MYCBP2: variants seen among roughly 807,000 people sequenced by gnomAD.
MYCBP2 encodes the protein E3 ubiquitin-protein ligase MYCBP2.
In MYCBP2, 120 loss-of-function variants were observed where a neutral mutation model predicts 525.3. That is an observed-to-expected ratio of 0.23 (90% CI 0.20 to 0.27). MYCBP2 has a LOEUF of 0.27. Ranked by LOEUF, MYCBP2 falls within the 10% of genes least tolerant of loss-of-function variation. The pLI is 1.00. For synonymous variants in MYCBP2, 1,894 were observed against 1,955.8 expected, an observed-to-expected ratio of 0.97 and a Z score of 0.83; for missense variants, 4,149 against 5,657.1, an observed-to-expected ratio of 0.73 and a Z score of 8.55.
Position 77,251,290 on chromosome 13 carries a change from C to A in MYCBP2, c.2242G>T (p.Asp748Tyr), listed in dbSNP as rs1166090812. 6.2e-7 allele frequency: 1 copy of A among 1,614,210 alleles called. No homozygotes were observed. ...EDLEEELDEK[D>Y]EKSMMCPPGM... ...GGAGGGCACATCATAGACTTCTCAT[C>A]TTTTTCATCTAGTTCTTCTTCCAGG... Residue 748 changes from aspartate to tyrosine, a missense_variant, in exon 15 of 83, where the codon GAT becomes TAT. Around this residue, in one of 21 missense-constraint regions of MYCBP2, gnomAD observed 620 missense variants for 795.5 expected, o/e 0.78. Transcript: ENST00000544440.
chr13:77,243,599 C>A (rs2069278440), intron 16 of MYCBP2, among the ~76,000 whole-genome samples: 3 of 144,276 alleles, frequency 2.1e-5, no homozygotes, highest in South Asian at 2.3e-4. Context: ...GGCAACAGAG[C>A]AAGACTCCAT....
intron 1 of MYCBP2, among the ~76,000 whole-genome samples, chr13:77,319,449 T>C (rs1331554988): frequency 1.3e-5 from 2 of 152,226 alleles, no homozygotes; most frequent in Non-Finnish European, 2.9e-5. Flanking sequence ...CTTGGTGCTC[T>C]GCTACCCTTA....
intron 26 of MYCBP2, among the ~76,000 whole-genome samples, chr13:77,201,033 C>A (rs546926137): frequency 2.0e-5 from 3 of 151,952 alleles, no homozygotes; most frequent in Non-Finnish European, 4.4e-5. Context: ...ACCAAATTCA[C>A]ACATAACAAT....
chr13:77,125,766 A>T (rs114573489), intron 53 of MYCBP2, among the ~76,000 whole-genome samples: 2 of 152,176 alleles, frequency 1.3e-5, no homozygotes, highest in African/African-American at 4.8e-5. Context: ...TTTTTTCTGC[A>T]TCTAAAATGT....
At chr13:77,258,162 T>C (rs2072576669) in intron 13 of MYCBP2, among the ~76,000 whole-genome samples, 1 of 152,190 alleles carries the variant, frequency 6.6e-6, no homozygotes, top group African/African-American at 2.4e-5. Flanking sequence ...AAGGAGTCCA[T>C]AAATAATTTA....
intron 17 of MYCBP2, among the ~76,000 whole-genome samples, chr13:77,239,535 G>T (rs1034400502): frequency 2.2e-4 from 34 of 152,192 alleles, no homozygotes; most frequent in African/African-American, 8.0e-4. Context: ...AGGTGATTCT[G>T]ATGCAGAAGG....
chr13:77,128,078 T>C (rs141696339), intron 52 of MYCBP2, among the ~76,000 whole-genome samples: 1 of 151,852 alleles, frequency 6.6e-6, no homozygotes, highest in Non-Finnish European at 1.5e-5. Context: ...AAAATACGCA[T>C]TTTATATACT....
At chr13:77,076,953 T>C (rs896687564) in intron 67 of MYCBP2, 104 bp from the exon 68 acceptor site, 10 of 1,111,966 alleles carry the variant, frequency 9.0e-6, no homozygotes, top group Non-Finnish European at 1.3e-5. Context: ...TATGCTACTC[T>C]TGCTAATATA....
intron 32 of MYCBP2, among the ~76,000 whole-genome samples, chr13:77,183,039 T>C (rs1246953063): frequency 1.3e-5 from 2 of 152,232 alleles, no homozygotes; most frequent in African/African-American, 4.8e-5. Context: ...TGCCTTCTTT[T>C]TTCAGTTAAC....
At chr13:77,271,087 A>C (rs940705873) in intron 5 of MYCBP2, among the ~76,000 whole-genome samples, 1 of 152,170 alleles carries the variant, frequency 6.6e-6, no homozygotes, top group African/African-American at 2.4e-5. Flanking sequence ...TCACTACTTA[A>C]TCATACTTTT....
intron 1 of MYCBP2, among the ~76,000 whole-genome samples, chr13:77,316,818 CAAGG>C (rs1567241211): frequency 6.9e-6 from 1 of 145,284 alleles, no homozygotes; most frequent in African/African-American, 2.4e-5. Context: ...AAACACTGGA[CAAGG>C]AAGTACCAAG....
intron 47 of MYCBP2, among the ~76,000 whole-genome samples, chr13:77,150,225 T>C (rs2056261275): frequency 2.0e-5 from 3 of 152,186 alleles, no homozygotes; most frequent in African/African-American, 7.2e-5. Context: ...GAAGGGGGCA[T>C]AGGTAAACCC....
At chr13:77,090,343 T>C in intron 59 of MYCBP2, 80 bp from the exon 60 acceptor site, 1 of 1,166,172 alleles carries the variant, frequency 8.6e-7, no homozygotes, top group Non-Finnish European at 1.2e-6. Context: ...ATGCAAAATA[T>C]GTGACTCAAT....
chr13:77,293,938 A>G (rs1256370183), intron 2 of MYCBP2, among the ~76,000 whole-genome samples: 1 of 151,740 alleles, frequency 6.6e-6, no homozygotes, highest in Admixed American at 6.6e-5. Context: ...AACGAGTGTT[A>G]ATTTAAACCA....
Position 77,177,938 on chromosome 13 carries a change from G to T in MYCBP2, c.5150C>A (p.Ser1717Tyr), listed in dbSNP as rs1487999902. Residue 1717 changes from serine (S) to tyrosine (Y), a missense_variant, in exon 35 of 83, where the codon TCT becomes TAT. Coordinates refer to ENST00000544440, the MANE Select transcript of MYCBP2 (RefSeq NM_015057.5). ...ALGSEVDGLN[S>Y]LHSVKASANR... The stretch of plus-strand genomic sequence containing the variant: ...AGCACTAGCTTTTACAGAGTGAAGA[G>T]AATTAAGTCCATCAACCTGTGAACA... The T allele has an allele frequency of 6.2e-7, 1 of 1,608,124 alleles. No individual in the cohort carries two copies. Among genetic ancestry groups the T allele is most frequent in the African/African-American group, 1.3e-5 (1 of 74,912 alleles).
intron 55 of MYCBP2, among the ~76,000 whole-genome samples, chr13:77,114,541 A>G (rs1371820135): frequency 6.6e-6 from 1 of 152,100 alleles, no homozygotes; most frequent in Non-Finnish European, 1.5e-5. Flanking sequence ...ATGTAAATAA[A>G]TAGTCATGCA....
At chr13:77,217,402 A>G (rs1594017685) in intron 21 of MYCBP2, among the ~76,000 whole-genome samples, 1 of 152,166 alleles carries the variant, frequency 6.6e-6, no homozygotes, top group East Asian at 1.9e-4. Flanking sequence ...ATAGACTCAG[A>G]GGGTGGAAAA....
intron 55 of MYCBP2, among the ~76,000 whole-genome samples, chr13:77,111,081 T>C (rs1328356842): frequency 2.0e-5 from 3 of 152,170 alleles, no homozygotes; most frequent in Non-Finnish European, 4.4e-5. Context: ...TACAGAAGTT[T>C]GAGAGAATAA....
At chr13:77,062,883 C>A (rs549748460) in intron 73 of MYCBP2, among the ~76,000 whole-genome samples, 186 bp from the exon 74 acceptor site, 2 of 152,192 alleles carry the variant, frequency 1.3e-5, no homozygotes, top group African/African-American at 4.8e-5. Flanking sequence ...GTGCCATGCA[C>A]ACAGGAGGCA....
Sources: gnomAD v4.1 joint callset for allele counts (sites outside exome capture counted in the v4.1 genomes callset) on GRCh38, gnomAD v4.1.1 for gene constraint, gnomAD v4.1.1 regional missense constraint, MANE v1.5 for transcripts, NCBI Gene and HGNC (gene_info 2026-07-23, HGNC 2026-07-21) for gene names.